The following SS18 variants were observed in gnomAD, a reference collection of about 807,000 sequenced individuals.
The protein encoded by SS18 is SS18 subunit of BAF chromatin remodeling complex.
SS18 carries 28 observed loss-of-function variants against 72.5 expected under a neutral mutation model. That is an observed-to-expected ratio of 0.39 (90% CI 0.29 to 0.53). The LOEUF (loss-of-function observed/expected upper bound fraction) is 0.53, where lower values mean the gene tolerates loss of function less well. Ranked by LOEUF, SS18 falls within the 20% of genes least tolerant of loss-of-function variation. The pLI, the probability that SS18 is intolerant of heterozygous loss-of-function variation, is 0.76. For synonymous variants in SS18, 172 were observed against 164.2 expected (o/e 1.05, Z -0.37); for missense variants, 518 against 535.3 (o/e 0.97, Z 0.32).
At chr18:26,024,595 G>A (rs943189147) in intron 10 of SS18, among the ~76,000 whole-genome samples, 9 of 152,220 alleles carry the variant, frequency 5.9e-5, no homozygotes, top group African/African-American at 1.7e-4. Context: ...GTAATTATAG[G>A]CGTGAGCCAC....
chr18:26,030,350 T>C (rs961253592), intron 10 of SS18, among the ~76,000 whole-genome samples: 4 of 152,190 alleles, frequency 2.6e-5, no homozygotes, highest in Admixed American at 1.3e-4. Context: ...TTCACACTTA[T>C]ATATAATATT....
In SS18 at chr18:26,090,443, C is replaced by CGCCCCCGG; in HGVS notation, c.69+57_69+58insCCGGGGGC. On this transcript the variant is annotated intron_variant, in intron 1 of 10. Coordinates refer to ENST00000415083, the MANE Select transcript of SS18 (RefSeq NM_001007559.3). ...ACTCCGGGCCCGGCCCTTCCCCCCGCGTCTGTCTCTCCCAGAGGCGGTAAG... is the reference window on the plus strand; with the variant it reads ...ACTCCGGGCCCGGCCCTTCCCCCCGCGCCCCCGGGTCTGTCTCTCCCAGAGGCGGTAAG... 3 of 1,520,394 alleles carry CGCCCCCGG rather than the reference C, an allele frequency of 2.0e-6. 1 individual carries two copies. The highest frequency in any genetic ancestry group is 2.7e-6 in the Non-Finnish European group (3 of 1,121,282). 94.2% of individuals were successfully genotyped at this position (1,520,394 alleles called of 1,614,324 possible).
intron 2 of SS18, among the ~76,000 whole-genome samples, chr18:26,079,865 G>A (rs543117797): frequency 3.9e-5 from 6 of 151,986 alleles, no homozygotes; most frequent in Non-Finnish European, 7.3e-5. Context: ...ACAGGCGTGA[G>A]CCACTGTACC....
At chr18:26,042,655 T>C (rs1050662196) in intron 5 of SS18, among the ~76,000 whole-genome samples, 7 of 149,658 alleles carry the variant, frequency 4.7e-5, no homozygotes, top group Admixed American at 1.3e-4. Context: ...AAAAAAAGAA[T>C]TTTCTTTTGA....
intron 7 of SS18, among the ~76,000 whole-genome samples, chr18:26,036,206 A>T (rs1351884320): frequency 6.8e-6 from 1 of 146,224 alleles, no homozygotes; most frequent in East Asian, 1.9e-4. Flanking sequence ...TCTCCCATTT[A>T]AAAAAACAAA....
intron 3 of SS18, among the ~76,000 whole-genome samples, chr18:26,062,295 C>T (rs2054137359): frequency 6.6e-6 from 1 of 152,074 alleles, no homozygotes; most frequent in African/African-American, 2.4e-5. Context: ...TGAAATTAAA[C>T]CGTTATAAGG....
chr18:26,067,526 C>A (rs1455824436), intron 3 of SS18, among the ~76,000 whole-genome samples: 1 of 152,152 alleles, frequency 6.6e-6, no homozygotes, highest in Non-Finnish European at 1.5e-5. Flanking sequence ...AAGCTGGATT[C>A]ATGGCTCATA....
At chr18:26,090,877 C>G (rs913389928), upstream of SS18, 4 of 412,052 alleles carry the variant, frequency 9.7e-6, no homozygotes, top group South Asian at 1.5e-4. Flanking sequence ...CCCTAGTCCT[C>G]CCTCCGCTTC....
intron 1 of SS18, among the ~76,000 whole-genome samples, chr18:26,088,141 T>A (rs767635516): frequency 6.6e-6 from 1 of 152,212 alleles, no homozygotes; most frequent in Non-Finnish European, 1.5e-5. Flanking sequence ...CCAATTATTC[T>A]CCCTCTGAAT....
At chr18:26,064,762 TAAAAG>T (rs895860015) in intron 3 of SS18, 24 of 151,766 alleles carry the variant, frequency 1.6e-4, no homozygotes, top group African/African-American at 5.8e-4. Flanking sequence ...GTATAAAGAC[TAAAAG>T]AAAATAGAAA....
chr18:26,081,834 G>T (rs545810227), intron 2 of SS18, among the ~76,000 whole-genome samples: 1 of 152,052 alleles, frequency 6.6e-6, no homozygotes, highest in African/African-American at 2.4e-5. Context: ...GAGGCAGGAG[G>T]ATCGCTTAAG....
chr18:26,057,789 G>T, intron 3 of SS18, 47 bp from the exon 4 acceptor site: 1 of 1,533,672 alleles, frequency 6.5e-7, no homozygotes, highest in African/African-American at 1.4e-5. Context: ...ACTAATATAC[G>T]AAAGATGCAT....
intron 3 of SS18, 106 bp downstream of exon 3, chr18:26,077,969 TA>T: frequency 2.9e-6 from 2 of 699,246 alleles, no homozygotes; most frequent in Non-Finnish European, 4.7e-6. Flanking sequence ...GTTCTCAGAG[TA>T]AAGCAGGATT....
chr18:26,039,366 C>T lies in SS18; in HGVS notation c.698G>A (p.Gly233Glu). The T allele has an allele frequency of 6.2e-7, 1 of 1,613,874 alleles. No individual in the cohort carries two copies. The highest frequency in any genetic ancestry group is 8.5e-7 in the Non-Finnish European group (1 of 1,179,894). Reference sequence around the variant, plus strand: ...GCCTTGGTTAACTTGACCCATCATTCCCATAGGTGGCTGCTGTCCTTGGTA... The same window carrying T: ...GCCTTGGTTAACTTGACCCATCATTTCCATAGGTGGCTGCTGTCCTTGGTA... The part of the protein sequence containing the change: ...QHYQGQQPPM[G>E]MMGQVNQGNH... The change falls in exon 6 of 11, where the codon GGA (glycine) becomes GAA (glutamate). Residue 233 changes from glycine to glutamate, a missense_variant. Physicochemically the swap from Gly to Glu is moderately conservative, Grantham distance 98. Coordinates refer to ENST00000415083, the MANE Select transcript of SS18 (RefSeq NM_001007559.3).
intron 10 of SS18, among the ~76,000 whole-genome samples, chr18:26,024,227 T>C (rs1642626733): frequency 1.3e-5 from 2 of 152,194 alleles, no homozygotes; most frequent in African/African-American, 2.4e-5. Context: ...TATTTAAGTA[T>C]TTAAGGCTGA....
chr18:26,043,147 A>T (rs1814686094), intron 5 of SS18, among the ~76,000 whole-genome samples: 1 of 152,152 alleles, frequency 6.6e-6, no homozygotes, highest in Non-Finnish European at 1.5e-5. Flanking sequence ...TTTAAGGCTC[A>T]CAAACATCAA....
rs55795401 is a variant in SS18, at chr18:26,016,313, G to A, written c.*2041C>T. 1 of 181,970 alleles carries A rather than the reference G, an allele frequency of 5.5e-6. No individual in the cohort carries two copies. The highest frequency in any genetic ancestry group is 1.2e-5 in the Non-Finnish European group (1 of 84,998). The allele number at this position is 181,970 out of a possible 1,614,324, so 11.3% of individuals were successfully genotyped here. On this transcript the variant is annotated 3_prime_UTR_variant, in exon 11 of 11. Transcript: ENST00000415083. ...TGATACAGTTTTAAATAGCAACAAAGTACACAGTGGTGGAAAATTGGCACA... is the reference window on the plus strand; with the variant it reads ...TGATACAGTTTTAAATAGCAACAAAATACACAGTGGTGGAAAATTGGCACA...
chr18:26,063,810 A>G (rs868221442), intron 3 of SS18, among the ~76,000 whole-genome samples: 3 of 152,142 alleles, frequency 2.0e-5, no homozygotes, highest in Admixed American at 2.0e-4. Flanking sequence ...ACAAAACTCA[A>G]TGAAATAAAA....
At chr18:26,080,352 T>C (rs2054495730) in intron 2 of SS18, 4 of 984,492 alleles carry the variant, frequency 4.1e-6, no homozygotes, top group Admixed American at 1.2e-4. Flanking sequence ...AGTATTAGTA[T>C]GGTTGCACGA....
Sources: gnomAD v4.1 joint callset for allele counts (sites outside exome capture counted in the v4.1 genomes callset) on GRCh38, gnomAD v4.1.1 for gene constraint, MANE v1.5 for transcripts, NCBI Gene and HGNC (gene_info 2026-07-23, HGNC 2026-07-21) for gene names.